FAH: variants seen among roughly 807,000 people sequenced by gnomAD.
FAH encodes the protein fumarylacetoacetate hydrolase, also known as fumarylacetoacetase.
A neutral mutation model predicts 55.8 loss-of-function variants in FAH; 47 were observed. The ratio of observed to expected loss-of-function variants is 0.84; its 90% CI spans 0.67 to 1.07. The LOEUF (loss-of-function observed/expected upper bound fraction) is 1.07. Among genes scored for constraint, FAH ranks in the 50% least tolerant of loss-of-function variants. The pLI, the probability that FAH is intolerant of heterozygous loss-of-function variation, is 0.00. For missense variants in FAH, 495 were observed against 545.9 expected (o/e 0.91, Z 0.93); for synonymous variants, 199 against 207.7 (o/e 0.96, Z 0.36).
chr15:80,173,189 C>T, intron 9 of FAH, 45 bp downstream of exon 9: 1 of 1,613,770 alleles, frequency 6.2e-7, no homozygotes, highest in Non-Finnish European at 8.5e-7. Context: ...AGCCCTGCTG[C>T]CTCTGAGGCT....
intron 10 of FAH, among the ~76,000 whole-genome samples, chr15:80,176,932 G>A (rs981468114): frequency 2.2e-4 from 33 of 152,218 alleles, no homozygotes; most frequent in African/African-American, 8.0e-4. Flanking sequence ...CCTGTTCTGT[G>A]CCACCTCAGA....
At chr15:80,177,512 T>G in intron 10 of FAH, 25 bp from the exon 11 acceptor site, 1 of 1,609,132 alleles carries the variant, frequency 6.2e-7, no homozygotes, top group South Asian at 1.1e-5. Context: ...TAAGTTTTCA[T>G]CAATATTGCT....
At position 80,173,153 on chromosome 15, in the gene FAH, A is replaced by G. The variant is rs369092208; in HGVS notation, c.837+9A>G. ...TGCCCAACCCGAAGCAGGTAAGCAC[A>G]TTCTCTGCAGGAAGCTCCCAAACCC... On this transcript the variant is annotated intron_variant, in intron 9 of 13. Transcript: ENST00000561421. 2 of 1,614,180 alleles carry G rather than the reference A, an allele frequency of 1.2e-6. No individual in the cohort carries two copies. The highest frequency in any genetic ancestry group is 1.3e-5 in the African/African-American group (1 of 75,042).
At position 80,158,050 on chromosome 15, in the gene FAH, T is replaced by C. The variant is rs113258732; in HGVS notation, c.82-10T>C. ...TTTTTCTGGTGCTGACGGTGTCGTC[T>C]TCCTCCTAGCCAAGACCGAGGATAG... On this transcript the variant is annotated splice_polypyrimidine_tract_variant and intron_variant, in intron 1 of 13. Coordinates refer to ENST00000561421, the MANE Select transcript of FAH (RefSeq NM_000137.4). 6.2e-7 allele frequency: 1 copy of C among 1,608,244 alleles called. No individual in the cohort carries two copies. The highest frequency in any genetic ancestry group is 8.5e-7 in the Non-Finnish European group (1 of 1,174,716).
At chr15:80,167,158 C>G (rs2041198976) in intron 5 of FAH, 1 of 151,812 alleles carries the variant, frequency 6.6e-6, no homozygotes. Context: ...GGGTCTGTAT[C>G]CATTTCCTGG....
intron 5 of FAH, 28 bp downstream of exon 5, chr15:80,162,364 A>G (rs1444181777): frequency 5.1e-6 from 8 of 1,565,474 alleles, no homozygotes; most frequent in South Asian, 4.4e-5. Flanking sequence ...TGTCTGCATA[A>G]GTTCAAAGTC....
chr15:80,157,848 AAC>A, intron 1 of FAH: 1 of 603,752 alleles, frequency 1.7e-6, no homozygotes, highest in South Asian at 1.9e-5. Context: ...CCATTCAGGG[AAC>A]ACAGATTATT....
rs145389125 is a variant in FAH, at chr15:80,168,275, G to T, written c.565G>T (p.Val189Leu). 5 of 1,601,442 alleles carry T rather than the reference G, an allele frequency of 3.1e-6. No individual in the cohort carries two copies. In the Admixed American group the frequency reaches 5.0e-5, roughly 16 times the overall value. The part of the protein sequence containing the change: ...QMKPDDSKPP[V>L]YGACKLLDME... Reference sequence around the variant, plus strand: ...TGGTGTTATTCCAGCTAAGCCTCCCGTATATGGTGCCTGCAAGCTCTTGGA... The same window carrying T: ...TGGTGTTATTCCAGCTAAGCCTCCCTTATATGGTGCCTGCAAGCTCTTGGA... The change falls in exon 7 of 14, where the codon GTA (valine) becomes TTA (leucine). Residue 189 changes from valine to leucine, a missense_variant. Physicochemically the swap from Val to Leu is conservative, Grantham distance 32. Coordinates refer to ENST00000561421, the MANE Select transcript of FAH (RefSeq NM_000137.4).
chr15:80,168,285 C>A lies in FAH; in HGVS notation c.575C>A (p.Ala192Asp). ...CCAGCTAAGCCTCCCGTATATGGTG[C>A]CTGCAAGCTCTTGGACATGGAGCTG... The part of the protein sequence containing the change: ...PDDSKPPVYG[A>D]CKLLDMELEM... Residue 192 changes from alanine to aspartate, a missense_variant, in exon 7 of 14, where the codon GCC becomes GAC. Coordinates refer to ENST00000561421, the MANE Select transcript of FAH (RefSeq NM_000137.4). 6.2e-7 allele frequency: 1 copy of A among 1,610,420 alleles called. No individual in the cohort carries two copies. Among genetic ancestry groups the A allele is most frequent in the African/African-American group, 1.3e-5 (1 of 74,678 alleles).
Position 80,160,462 on chromosome 15 carries a change from G to A in FAH, c.364+3G>A, listed in dbSNP as rs2041138901. ...GATGCACCTTCCAGCCACCATAGGT[G>A]AGTGCAGTCTCTTCACCAAGATAAG... is the stretch of plus-strand genomic sequence containing the variant. On this transcript the variant is annotated splice_donor_region_variant and intron_variant, in intron 4 of 13. Transcript: ENST00000561421. The A allele has an allele frequency of 6.2e-7, 1 of 1,613,986 alleles. No homozygotes were observed. Among genetic ancestry groups the A allele is most frequent in the African/African-American group, 1.3e-5 (1 of 74,934 alleles).
intron 5 of FAH, chr15:80,162,743 C>T (rs1005312183): frequency 1.1e-5 from 3 of 280,862 alleles, no homozygotes; most frequent in Admixed American, 4.8e-5. Context: ...AACATGTGAT[C>T]GGTTTCATTC....
chr15:80,177,143 A>ATGT, intron 10 of FAH, among the ~76,000 whole-genome samples: 2 of 152,210 alleles, frequency 1.3e-5, no homozygotes, highest in African/African-American at 2.4e-5. Context: ...TGACCCAGCT[A>ATGT]TCCAGAGGAC....
At chr15:80,157,715 TC>T in intron 1 of FAH, 1 of 373,940 alleles carries the variant, frequency 2.7e-6, no homozygotes, top group Non-Finnish European at 5.1e-6. Context: ...GGTGGTAAGC[TC>T]CTCATCACTG....
chr15:80,176,746 C>T (rs1374412009), intron 10 of FAH, among the ~76,000 whole-genome samples: 1 of 152,338 alleles, frequency 6.6e-6, no homozygotes, highest in Non-Finnish European at 1.5e-5. Context: ...TAGAGGTGAA[C>T]CTGCCCGCCC....
In FAH at chr15:80,177,530, C is replaced by T; in HGVS notation, c.914-7C>T. 2 of 1,613,392 alleles carry T rather than the reference C, an allele frequency of 1.2e-6. No homozygotes were observed. The highest frequency in any genetic ancestry group is 1.7e-6 in the Non-Finnish European group (2 of 1,179,326). On this transcript the variant is annotated splice_polypyrimidine_tract_variant and splice_region_variant and intron_variant, in intron 10 of 13. Coordinates refer to ENST00000561421, the MANE Select transcript of FAH (RefSeq NM_000137.4). ...GTTTTCATCAATATTGCTTTTCTTT[C>T]CAACAGGAGAAGGAATGAGCCAGGC...
In FAH at chr15:80,164,458, G is replaced by A. The variant is rs985295395; in HGVS notation, c.455+2122G>A. On this transcript the variant is annotated intron_variant, in intron 5 of 13. Transcript: ENST00000561421. Reference sequence around the variant, plus strand: ...TAATCACACCTGCAAAACTCTTTTTGCCATGTAATAATATCCACAGGCTCC... The same window carrying A: ...TAATCACACCTGCAAAACTCTTTTTACCATGTAATAATATCCACAGGCTCC... Among the ~76,000 whole-genome samples, 7 of 151,962 alleles carry A rather than the reference G, an allele frequency of 4.6e-5. No homozygotes were observed. The South Asian group carries it at 1.5e-3, about 32-fold the overall frequency.
chr15:80,160,086 C>G (rs2041135748), intron 3 of FAH: 3 of 705,740 alleles, frequency 4.3e-6, no homozygotes, highest in Non-Finnish European at 7.1e-6. Flanking sequence ...TGGAGCTGCC[C>G]AAGCTAGGCC....
intron 3 of FAH, 23 bp downstream of exon 3, chr15:80,159,900 G>T: frequency 6.2e-7 from 1 of 1,612,826 alleles, no homozygotes; most frequent in Non-Finnish European, 8.5e-7. Context: ...TGGTCATAGG[G>T]GGGATGAGGG....
At chr15:80,162,002 A>G (rs1175660123) in intron 4 of FAH, among the ~76,000 whole-genome samples, 1 of 152,310 alleles carries the variant, frequency 6.6e-6, no homozygotes, top group East Asian at 1.9e-4. Flanking sequence ...TTCACATTCC[A>G]CTGTCAGTTT....
Sources: allele counts gnomAD v4.1 joint callset (sites outside exome capture counted in the v4.1 genomes callset), GRCh38; gene constraint gnomAD v4.1.1; transcripts MANE v1.5; gene names NCBI Gene and HGNC (gene_info 2026-07-23, HGNC 2026-07-21).